REPS2: variants seen among roughly 807,000 people sequenced by gnomAD.
REPS2 encodes the protein RALBP1 associated Eps domain containing 2.
A neutral mutation model predicts 53.6 loss-of-function variants in REPS2; 23 were observed. The observed-to-expected ratio is 0.43, with a 90% confidence interval of 0.31 to 0.61. The LOEUF is 0.61. Among genes scored for constraint, REPS2 ranks in the 20% least tolerant of loss-of-function variants. The probability of loss-of-function intolerance (pLI) is 0.11; values close to 1 mark genes in which losing one functional copy is unlikely to be tolerated. For missense variants in REPS2, 446 were observed against 534.9 expected (o/e 0.83, Z 1.64); for synonymous variants, 238 against 218.6 (o/e 1.09, Z -0.78).
chrX:17,085,581 A>G (rs964939419), intron 13 of REPS2, among the ~76,000 whole-genome samples: 3 of 112,038 alleles, frequency 2.7e-5, no homozygotes, highest in African/African-American at 9.7e-5. Flanking sequence ...CAAGTCTTGC[A>G]TTTCTTTTGT....
In REPS2 at chrX:17,137,043, T is replaced by C. The variant is rs1365085495; in HGVS notation, c.1808+1637T>C. The C allele has an allele frequency of 2.7e-5, 3 of 112,640 alleles. No individual in the cohort carries two copies. In the Admixed American group the frequency reaches 2.8e-4, roughly 11 times the overall value. The allele number at this position is 112,640 out of a possible 1,213,427, so 9.3% of individuals were successfully genotyped here. On this transcript the variant is annotated intron_variant, in intron 16 of 17. Coordinates refer to ENST00000357277, the MANE Select transcript of REPS2 (RefSeq NM_004726.3). The stretch of plus-strand genomic sequence containing the variant: ...TTTTATTCATCCATTCATCAGTCAA[T>C]GGACATTTTGGTTATTTCTGCTTTT...
intron 1 of REPS2, among the ~76,000 whole-genome samples, chrX:16,951,480 C>A (rs1469846823): frequency 9.8e-6 from 1 of 102,007 alleles, no homozygotes; most frequent in African/African-American, 3.6e-5. Context: ...CTAGCCTGGG[C>A]AAGATGGCAA....
chrX:17,166,740 T>C, the REPS2 span, among the ~76,000 whole-genome samples: 1 of 111,789 alleles, frequency 8.9e-6, no homozygotes, highest in African/African-American at 3.3e-5. Flanking sequence ...CACATGTGTA[T>C]GTCCCAGTCA....
rs373580172 is a variant in REPS2, at chrX:17,077,313, C to T, written c.1422C>T (p.Gly474=). The change falls in exon 13 of 18, where the codon GGC becomes GGT. Residue 474 remains glycine, a synonymous_variant. Coordinates refer to ENST00000357277, the MANE Select transcript of REPS2 (RefSeq NM_004726.3). ...CCATAGAAGAGGCCATGAAAAGGGG[C>T]GAGGACCCTCCCACCCCGCCACCTC... The part of the protein sequence containing the change: ...STSIEEAMKR[G]EDPPTPPPRP... The T allele has an allele frequency of 3.8e-5, 46 of 1,206,711 alleles. No individual in the cohort carries two copies. Among genetic ancestry groups the T allele is most frequent in the Middle Eastern group, 4.6e-4 (2 of 4,359 alleles).
At chrX:17,169,242 T>A in the REPS2 span, among the ~76,000 whole-genome samples, 1 of 112,440 alleles carries the variant, frequency 8.9e-6, no homozygotes, top group Non-Finnish European at 1.9e-5. Context: ...TGGAATGGTT[T>A]GCTATGCAAG....
In REPS2 at chrX:17,068,386, C is replaced by T. The variant is rs762879456; in HGVS notation, c.1210-16C>T. 2 of 1,177,136 alleles carry T rather than the reference C, an allele frequency of 1.7e-6. No individual in the cohort carries two copies. The highest frequency in any genetic ancestry group is 3.7e-5 in the South Asian group (2 of 54,616). On this transcript the variant is annotated splice_polypyrimidine_tract_variant and intron_variant, in intron 9 of 17. Coordinates refer to ENST00000357277, the MANE Select transcript of REPS2 (RefSeq NM_004726.3). Reference sequence around the variant, plus strand: ...TGTTCCAACCAGTTTAATTCATTTACTTTTCTTTTTCAAAGAAGACATCTG... The same window carrying T: ...TGTTCCAACCAGTTTAATTCATTTATTTTTCTTTTTCAAAGAAGACATCTG...
chrX:16,980,376 C>T (rs1024878435), intron 1 of REPS2, among the ~76,000 whole-genome samples: 2 of 110,915 alleles, frequency 1.8e-5, no homozygotes, highest in African/African-American at 6.6e-5. Context: ...GATCTTGGCT[C>T]ACTGCAACCT....
At chrX:17,075,061 G>T (rs7887219) in intron 12 of REPS2, among the ~76,000 whole-genome samples, 2,176 of 111,642 alleles carry the variant, frequency 0.019, 44 homozygotes, top group African/African-American at 0.067. Flanking sequence ...TTGTTTCCTT[G>T]TTTATGTAAG....
intron 4 of REPS2, 138 bp downstream of exon 4, chrX:17,025,323 T>A: frequency 1.5e-6 from 1 of 676,997 alleles, no homozygotes; most frequent in East Asian, 4.0e-5. Context: ...AATTTAATTT[T>A]ATATTCTCAA....
the REPS2 span, among the ~76,000 whole-genome samples, chrX:17,169,329 G>T: frequency 8.9e-6 from 1 of 111,921 alleles, no homozygotes; most frequent in East Asian, 2.8e-4. Flanking sequence ...GTGAATTGGG[G>T]GTACATTAGG....
intron 5 of REPS2, among the ~76,000 whole-genome samples, chrX:17,031,561 G>C: frequency 8.9e-6 from 1 of 112,355 alleles, no homozygotes; most frequent in East Asian, 2.8e-4. Context: ...CTACTGGAGA[G>C]ATGGTCATTA....
intron 13 of REPS2, among the ~76,000 whole-genome samples, chrX:17,098,038 G>T (rs1405089330): frequency 9.0e-6 from 1 of 110,999 alleles, no homozygotes; most frequent in South Asian, 3.8e-4. Context: ...AGGGGTTTGG[G>T]GGTGGTGCTC....
intron 1 of REPS2, among the ~76,000 whole-genome samples, chrX:16,960,606 C>T (rs1363740150): frequency 8.9e-6 from 1 of 111,748 alleles, no homozygotes; most frequent in Non-Finnish European, 1.9e-5. Context: ...ACTCTTGCCA[C>T]TTTTATTGAA....
At chrX:16,950,821 G>T (rs1349092066) in intron 1 of REPS2, among the ~76,000 whole-genome samples, 6 of 112,787 alleles carry the variant, frequency 5.3e-5, no homozygotes, top group Non-Finnish European at 1.1e-4. Flanking sequence ...GACCAAGGAT[G>T]GGAGGATTGC....
At chrX:17,017,727 T>C (rs1166399483) in intron 2 of REPS2, among the ~76,000 whole-genome samples, 3 of 112,021 alleles carry the variant, frequency 2.7e-5, no homozygotes, top group Admixed American at 9.5e-5. Context: ...TACAGATTTC[T>C]GGCCACAATG....
In REPS2 at chrX:16,960,490, T is replaced by C. The variant is rs1341489449; in HGVS notation, c.273+13356T>C. ...AAAATAAGTTTAAAAGGGAATTTCC[T>C]CAACACATTAAAGACCATTTATGTA... On this transcript the variant is annotated intron_variant, in intron 1 of 17. Coordinates refer to ENST00000357277, the MANE Select transcript of REPS2 (RefSeq NM_004726.3). Among the ~76,000 whole-genome samples, 3 of 112,624 alleles carry C rather than the reference T, an allele frequency of 2.7e-5. No homozygotes were observed. In the Admixed American group the frequency reaches 2.8e-4, roughly 11 times the overall value.
chrX:16,985,050 C>T (rs1181142143), intron 1 of REPS2, among the ~76,000 whole-genome samples: 1 of 111,470 alleles, frequency 9.0e-6, no homozygotes, highest in Non-Finnish European at 1.9e-5. Context: ...TGGTACACAT[C>T]AATTTGAGTG....
At chrX:16,956,284 G>GT (rs869259012) in intron 1 of REPS2, among the ~76,000 whole-genome samples, 279 of 24,752 alleles carry the variant, frequency 0.011, 47 homozygotes, top group Non-Finnish European at 0.015. Context: ...AACCACAGCA[G>GT]TTTTTTTTTT....
chrX:17,110,645 C>T (rs914814007), intron 14 of REPS2, among the ~76,000 whole-genome samples: 2 of 108,041 alleles, frequency 1.9e-5, no homozygotes, highest in Non-Finnish European at 3.8e-5. Context: ...TGAGCCAAGA[C>T]CACGACATTG....
Sources: gnomAD v4.1 joint callset for allele counts (sites outside exome capture counted in the v4.1 genomes callset) on GRCh38, gnomAD v4.1.1 for gene constraint, MANE v1.5 for transcripts, NCBI Gene and HGNC (gene_info 2026-07-23, HGNC 2026-07-21) for gene names.